The following HIVEP2 variants were observed in gnomAD, a reference collection of about 807,000 sequenced individuals.
HIVEP2 encodes transcription factor HIVEP2.
In HIVEP2, 14 loss-of-function variants were observed where a neutral mutation model predicts 180.7. That is an observed-to-expected ratio of 0.08 (90% CI 0.05 to 0.12). The LOEUF is 0.12. HIVEP2 is among the 10% of genes least tolerant of loss of function. The pLI is 1.00. For synonymous variants in HIVEP2, 1,184 were observed against 1,136.4 expected, an observed-to-expected ratio of 1.04 and a Z score of -0.84; for missense variants, 2,579 against 3,008.5, an observed-to-expected ratio of 0.86 and a Z score of 3.34.
rs748249573 is a variant in HIVEP2 at position 142,770,012 on chromosome 6, G to A, written c.4727C>T (p.Ser1576Leu). ...SDELDIDETA[S>L]DMSMSPQSSS... ...ACTCTGTGGGCTCATGCTCATGTCC[G>A]ATGCCGTCTCATCGATATCTAATTC... Residue 1576 changes from serine to leucine, a missense_variant, in exon 5 of 10, where the codon TCG (serine) becomes TTG (leucine). Ser to Leu is a moderately radical substitution (Grantham distance 145). Around this residue, in one of 11 missense-constraint regions of HIVEP2, gnomAD observed 349 missense variants for 367.2 expected, o/e 0.95. Coordinates refer to ENST00000367603, the MANE Select transcript of HIVEP2 (RefSeq NM_006734.4). This position sits in a 1 kb window ranked among gnomAD's most constrained non-coding sequence, Gnocchi z 4.7. 15 of 1,613,988 alleles carry A rather than the reference G, an allele frequency of 9.3e-6. No homozygotes were observed. Among genetic ancestry groups the A allele is most frequent in the Middle Eastern group, 1.6e-4 (1 of 6,084 alleles).
intron 1 of HIVEP2, among the ~76,000 whole-genome samples, chr6:142,932,808 T>C (rs940235591): frequency 6.6e-6 from 1 of 152,230 alleles, no homozygotes; most frequent in African/African-American, 2.4e-5. Context: ...TTGTCCTAAG[T>C]GATTTCTTGC....
chr6:142,822,518 G>A (rs1423995861), intron 2 of HIVEP2, among the ~76,000 whole-genome samples: 46 of 152,194 alleles, frequency 3.0e-4, no homozygotes, highest in Non-Finnish European at 1.0e-4. Context: ...CACTGACACT[G>A]CTGAAACTAC....
intron 1 of HIVEP2, among the ~76,000 whole-genome samples, chr6:142,940,588 C>T (rs1287020469): frequency 6.6e-6 from 1 of 152,174 alleles, no homozygotes; most frequent in African/African-American, 2.4e-5. Flanking sequence ...CCTTCAAGGC[C>T]CTGCATTACC....
rs75874571 is a variant in HIVEP2 at position 142,915,322 on chromosome 6, C to T, written c.-641+29777G>A. Among the ~76,000 whole-genome samples the T allele has an allele frequency of 9.1e-3, 1,380 of 152,256 alleles. 84 individuals are homozygous for T. In the East Asian group the frequency reaches 0.17, roughly 19 times the overall value. On this transcript the variant is annotated intron_variant, in intron 1 of 9. Coordinates refer to ENST00000367603, the MANE Select transcript of HIVEP2 (RefSeq NM_006734.4). ...GTAGTAGGGTGGGCCCCTTATCCAA[C>T]ATGACAGAAATGGCGAACACTACAT...
intron 2 of HIVEP2, among the ~76,000 whole-genome samples, chr6:142,804,002 C>G (rs1776481507): frequency 6.6e-6 from 1 of 152,172 alleles, no homozygotes. Context: ...TGTTTATCAC[C>G]TGTTTTCACA....
chr6:142,902,360 CA>C (rs1224240986), intron 1 of HIVEP2, among the ~76,000 whole-genome samples: 3 of 152,166 alleles, frequency 2.0e-5, no homozygotes, highest in Admixed American at 6.5e-5. Flanking sequence ...ATTCCTGGCC[CA>C]TACTCTTCCA....
chr6:142,936,295 C>T (rs1778053417), intron 1 of HIVEP2, among the ~76,000 whole-genome samples: 2 of 151,688 alleles, frequency 1.3e-5, no homozygotes, highest in African/African-American at 4.8e-5. Context: ...CGGGTTCAGG[C>T]GATTCTCCTG....
At chr6:142,854,948 C>T (rs1466756106) in intron 1 of HIVEP2, among the ~76,000 whole-genome samples, 2 of 152,160 alleles carry the variant, frequency 1.3e-5, no homozygotes, top group Non-Finnish European at 2.9e-5. Context: ...CTCCATGACC[C>T]GGGCAAGGAA....
At chr6:142,891,860 T>C (rs1760455621) in intron 1 of HIVEP2, among the ~76,000 whole-genome samples, 1 of 152,234 alleles carries the variant, frequency 6.6e-6, no homozygotes, top group Admixed American at 6.5e-5. Flanking sequence ...TATCTGTTTC[T>C]CCACAATCGA....
chr6:142,898,893 A>G (rs1366212116), intron 1 of HIVEP2, among the ~76,000 whole-genome samples: 6 of 152,190 alleles, frequency 3.9e-5, no homozygotes, highest in Non-Finnish European at 7.3e-5. Flanking sequence ...ATATCGCAGC[A>G]TTAATTCAGG....
intron 3 of HIVEP2, among the ~76,000 whole-genome samples, chr6:142,780,408 C>A (rs13204604): frequency 1.3e-5 from 2 of 152,158 alleles, no homozygotes. Context: ...TGAACTTTCA[C>A]ATTTGATTTG....
intron 3 of HIVEP2, among the ~76,000 whole-genome samples, chr6:142,781,383 A>G (rs2114688286): frequency 6.6e-6 from 1 of 152,338 alleles, no homozygotes; most frequent in Admixed American, 6.5e-5. Context: ...AAAGGAGCGG[A>G]ATTCCAAATA....
At chr6:142,805,254 C>G (rs1049121709) in intron 2 of HIVEP2, among the ~76,000 whole-genome samples, 1 of 152,078 alleles carries the variant, frequency 6.6e-6, no homozygotes, top group Non-Finnish European at 1.5e-5. Flanking sequence ...CCACTTGTAC[C>G]AGCCAGCCTG....
At chr6:142,834,920 T>C (rs543816050) in intron 2 of HIVEP2, among the ~76,000 whole-genome samples, 44 of 152,280 alleles carry the variant, frequency 2.9e-4, no homozygotes, top group African/African-American at 1.1e-3. Flanking sequence ...ATGTATTCCA[T>C]ATGCATCACG....
At chr6:142,841,203 T>G (rs958303089) in intron 1 of HIVEP2, among the ~76,000 whole-genome samples, 5 of 152,144 alleles carry the variant, frequency 3.3e-5, no homozygotes, top group African/African-American at 1.2e-4. Context: ...GCATAAGGTA[T>G]GTATTCAGAT....
Position 142,873,587 on chromosome 6 carries a change from C to T in HIVEP2, c.-640-36540G>A, listed in dbSNP as rs754057558. On this transcript the variant is annotated intron_variant, in intron 1 of 9. Coordinates refer to ENST00000367603, the MANE Select transcript of HIVEP2 (RefSeq NM_006734.4). ...TCCATGAATGGAATATATGATTATT[C>T]TCAATTTTGAGCACACATTTTCCAG... Among the ~76,000 whole-genome samples, 3 of 152,100 alleles carry T rather than the reference C, an allele frequency of 2.0e-5. No homozygotes were observed. The South Asian group carries it at 6.2e-4, about 32-fold the overall frequency.
At chr6:142,761,345 T>G (rs1365597343) in intron 8 of HIVEP2, 119 bp downstream of exon 8, 1 of 597,172 alleles carries the variant, frequency 1.7e-6, no homozygotes, top group African/African-American at 1.9e-5. Context: ...ATATTTAGTA[T>G]TTAATAAAAT....
intron 1 of HIVEP2, among the ~76,000 whole-genome samples, chr6:142,900,190 T>C (rs1266156922): frequency 6.6e-6 from 1 of 152,190 alleles, no homozygotes; most frequent in East Asian, 1.9e-4. Context: ...ATTTCTAAGA[T>C]GCAGGACAGG....
chr6:142,919,274 A>G (rs1777633907), intron 1 of HIVEP2, among the ~76,000 whole-genome samples: 1 of 152,240 alleles, frequency 6.6e-6, no homozygotes, highest in Admixed American at 6.5e-5. Context: ...ATACTGTTAA[A>G]TGCCCTTTAT....
Sources: gnomAD v4.1 joint callset for allele counts (sites outside exome capture counted in the v4.1 genomes callset) on GRCh38, gnomAD v4.1.1 for gene constraint, gnomAD v4.1.1 regional missense constraint, Gnocchi (gnomAD v3.1) non-coding constraint, MANE v1.5 for transcripts, NCBI Gene and HGNC (gene_info 2026-07-23, HGNC 2026-07-21) for gene names.